Variants in CLASP2 observed in about 807,000 individuals in gnomAD.
CLASP2 encodes the protein cytoplasmic linker associated protein 2.
Under a neutral mutation model 194.4 loss-of-function variants are expected in CLASP2, and 47 were observed. The ratio of observed to expected loss-of-function variants is 0.24; its 90% confidence interval spans 0.19 to 0.31. The LOEUF is 0.31. Ranked by LOEUF, CLASP2 falls within the 10% of genes least tolerant of loss-of-function variation. The pLI, the probability that CLASP2 is intolerant of heterozygous loss-of-function variation, is 1.00. For synonymous variants in CLASP2, 619 were observed against 633.5 expected (o/e 0.98, Z 0.34); for missense variants, 1,445 against 1,823.6 (o/e 0.79, Z 3.78).
chr3:33,529,752 C>T (rs1190185423), intron 34 of CLASP2, among the ~76,000 whole-genome samples: 1 of 151,910 alleles, frequency 6.6e-6, no homozygotes, highest in African/African-American at 2.4e-5. Flanking sequence ...GAGGCCGAGG[C>T]GGGTGGATCA....
At position 33,668,668 on chromosome 3, in the gene CLASP2, C is replaced by T. The variant is rs144847576; in HGVS notation, c.645-5153G>A. 3.8e-3 allele frequency among the ~76,000 whole-genome samples: 580 copies of T among 152,232 alleles called. 3 individuals carry two copies. The highest frequency in any genetic ancestry group is 0.013 in the African/African-American group (557 of 41,530). On this transcript the variant is annotated intron_variant, in intron 6 of 38. Transcript: ENST00000682230. ...ACCTATAAAATAATAAGGCCATAGG[C>T]GTCAAGAATAGAAAACACTCTGCAT...
chr3:33,667,524 A>G (rs992873781), intron 6 of CLASP2, among the ~76,000 whole-genome samples: 2 of 150,354 alleles, frequency 1.3e-5, no homozygotes, highest in African/African-American at 4.9e-5. Context: ...TTTTGATGAT[A>G]TCCAATTTAT....
chr3:33,717,804 T>C lies in CLASP2; in HGVS notation c.195+4A>G. ...ACCAGCCCAGCCTCGCCGCCGTCGC[T>C]TACCCGGTAGTTGCTCGAACCCACC... is the stretch of plus-strand genomic sequence containing the variant. On this transcript the variant is annotated splice_donor_region_variant and intron_variant, in intron 1 of 38. Coordinates refer to ENST00000682230, the MANE Select transcript of CLASP2 (RefSeq NM_001365631.1). The C allele has an allele frequency of 6.4e-7, 1 of 1,554,434 alleles. No individual in the cohort carries two copies. The highest frequency in any genetic ancestry group is 8.7e-7 in the Non-Finnish European group (1 of 1,149,700).
intron 34 of CLASP2, among the ~76,000 whole-genome samples, chr3:33,533,457 T>C (rs544630133): frequency 6.6e-6 from 1 of 152,236 alleles, no homozygotes; most frequent in Admixed American, 6.5e-5. Context: ...CAAGTGAAGC[T>C]ATTTCTTGTT....
intron 19 of CLASP2, among the ~76,000 whole-genome samples, chr3:33,595,930 T>A (rs1467201160): frequency 6.6e-6 from 1 of 152,050 alleles, no homozygotes; most frequent in African/African-American, 2.4e-5. Context: ...AAACAGAAGA[T>A]ATATTAGATC....
At chr3:33,634,193 A>G (rs1381502310) in intron 8 of CLASP2, among the ~76,000 whole-genome samples, 1 of 152,230 alleles carries the variant, frequency 6.6e-6, no homozygotes, top group African/African-American at 2.4e-5. Flanking sequence ...AATATCTTGC[A>G]AGTTTTGAAA....
chr3:33,511,937 G>C (rs796885212), intron 36 of CLASP2, among the ~76,000 whole-genome samples: 3 of 53,046 alleles, frequency 5.7e-5, no homozygotes, highest in African/African-American at 2.3e-4. Context: ...GGAGAAATAG[G>C]AACACTTTTA....
In CLASP2 at chr3:33,651,395, A is replaced by AT. The variant is rs568664321; in HGVS notation, c.716-6493_716-6492insA. 4.0e-3 allele frequency among the ~76,000 whole-genome samples: 608 copies of AT among 151,834 alleles called. 3 individuals carry two copies. The highest frequency in any genetic ancestry group is 6.2e-3 in the Non-Finnish European group (418 of 67,906). ...GAGATCCTGTCTCAAAAAAAAAAAA[A>AT]AAAAAAAAACCCAGAAAACATTAAT... On this transcript the variant is annotated intron_variant, in intron 7 of 38. Transcript: ENST00000682230.
rs574912303 is a variant in CLASP2, at chr3:33,609,842, G to A, written c.1389-1216C>T. 3.3e-5 allele frequency among the ~76,000 whole-genome samples: 5 copies of A among 152,184 alleles called. No individual in the cohort carries two copies. In the East Asian group the frequency reaches 5.8e-4, roughly 18 times the overall value. ...TACATAGAAAACAAGGAATTAATTCGTACCCTTTCAAATCTACTCTTTTAG... is the reference window on the plus strand; with the variant it reads ...TACATAGAAAACAAGGAATTAATTCATACCCTTTCAAATCTACTCTTTTAG... On this transcript the variant is annotated intron_variant, in intron 13 of 38. Coordinates refer to ENST00000682230, the MANE Select transcript of CLASP2 (RefSeq NM_001365631.1).
rs551542592 is a variant in CLASP2 at position 33,592,286 on chromosome 3, A to G, written c.2068+109T>C. Reference sequence around the variant, plus strand: ...CAGTATGTGGCTTGTCTTTTTTTAAATTAGCTTTGTCTTTATCCACTGGTC... The same window carrying G: ...CAGTATGTGGCTTGTCTTTTTTTAAGTTAGCTTTGTCTTTATCCACTGGTC... On this transcript the variant is annotated intron_variant, in intron 21 of 38. Transcript: ENST00000682230. 1.5e-3 allele frequency: 1,228 copies of G among 826,060 alleles called. 5 individuals are homozygous for G. The highest frequency in any genetic ancestry group is 3.1e-3 in the Admixed American group (157 of 50,120). 51.2% of individuals were successfully genotyped at this position (826,060 alleles called of 1,614,324 possible).
intron 12 of CLASP2, among the ~76,000 whole-genome samples, chr3:33,614,261 AATAAG>A (rs1301391917): frequency 6.6e-6 from 1 of 152,198 alleles, no homozygotes; most frequent in Non-Finnish European, 1.5e-5. Flanking sequence ...GGTACTTTCA[AATAAG>A]TAGAATTTAA....
intron 1 of CLASP2, among the ~76,000 whole-genome samples, chr3:33,702,331 C>T (rs984139340): frequency 2.6e-5 from 4 of 152,114 alleles, no homozygotes; most frequent in African/African-American, 9.7e-5. Flanking sequence ...TAAACCCATA[C>T]ATTTGTATGG....
chr3:33,695,992 C>G (rs538189071), intron 2 of CLASP2, among the ~76,000 whole-genome samples: 92 of 152,144 alleles, frequency 6.0e-4, no homozygotes, highest in Non-Finnish European at 3.8e-4. Context: ...ATGCACTGTA[C>G]TACAAACACA....
rs1427898399 is a variant in CLASP2, at chr3:33,501,776, G to C, written c.4318-8C>G. The C allele has an allele frequency of 6.3e-7, 1 of 1,588,076 alleles. No homozygotes were observed. Among genetic ancestry groups the C allele is most frequent in the Admixed American group, 1.7e-5 (1 of 59,950 alleles). On this transcript the variant is annotated splice_polypyrimidine_tract_variant and splice_region_variant and intron_variant, in intron 37 of 38. Coordinates refer to ENST00000682230, the MANE Select transcript of CLASP2 (RefSeq NM_001365631.1). ...CTCTGAATTATCATAACCCTACGGA[G>C]AGAAGTCCACTGTTAGTACTCCAGA...
In CLASP2 at chr3:33,533,289, A is replaced by G. The variant is rs2056699859; in HGVS notation, c.3787+1944T>C. Among the ~76,000 whole-genome samples, 4 of 152,318 alleles carry G rather than the reference A, an allele frequency of 2.6e-5. No individual in the cohort carries two copies. The South Asian group carries it at 8.3e-4, about 32-fold the overall frequency. ...AGTCAACTATTTGTGACAGATTAAA[A>G]CACATCAAAGTCTATAATTGTGGCA... On this transcript the variant is annotated intron_variant, in intron 34 of 38. Coordinates refer to ENST00000682230, the MANE Select transcript of CLASP2 (RefSeq NM_001365631.1).
chr3:33,650,148 A>C (rs1234310509), intron 7 of CLASP2, among the ~76,000 whole-genome samples: 1 of 152,236 alleles, frequency 6.6e-6, no homozygotes, highest in African/African-American at 2.4e-5. Context: ...AAAATTATAA[A>C]AAGTGACATA....
intron 6 of CLASP2, among the ~76,000 whole-genome samples, chr3:33,683,798 GGTGTAGTGGCGTATGCCTGTA>G (rs1173216839): frequency 2.7e-5 from 4 of 150,190 alleles, no homozygotes; most frequent in Non-Finnish European, 5.9e-5. Flanking sequence ...AAATCAGCCA[GGTGTAGTGGCGTATGCCTGTA>G]GTCCCAGCTA....
At chr3:33,578,975 T>C (rs903698342) in intron 23 of CLASP2, among the ~76,000 whole-genome samples, 2 of 152,136 alleles carry the variant, frequency 1.3e-5, no homozygotes, top group Admixed American at 1.3e-4. Flanking sequence ...ACAAGGGGAT[T>C]CCACCAAAGA....
intron 3 of CLASP2, among the ~76,000 whole-genome samples, chr3:33,688,787 T>C (rs923953659): frequency 4.6e-5 from 7 of 150,892 alleles, no homozygotes; most frequent in Admixed American, 4.6e-4. Flanking sequence ...GAACAGGCGC[T>C]TTTTTTTTGG....
Sources: allele counts gnomAD v4.1 joint callset (sites outside exome capture counted in the v4.1 genomes callset), GRCh38; gene constraint gnomAD v4.1.1; transcripts MANE v1.5; gene names NCBI Gene and HGNC (gene_info 2026-07-23, HGNC 2026-07-21).